Variants in RERE observed in about 807,000 individuals in gnomAD.
The protein encoded by RERE is arginine-glutamic acid dipeptide repeats, also known as arginine-glutamic acid dipeptide repeats protein.
A neutral mutation model predicts 146.1 loss-of-function variants in RERE; 40 were observed. The ratio of observed to expected loss-of-function variants is 0.27; its 90% CI spans 0.21 to 0.36. RERE has a LOEUF of 0.36. RERE is among the 10% of genes least tolerant of loss of function. The probability of loss-of-function intolerance (pLI) is 1.00; values close to 1 mark genes in which losing one functional copy is unlikely to be tolerated. For synonymous variants in RERE, 1,003 were observed against 866.0 expected (o/e 1.16, Z -2.78); for missense variants, 1,933 against 2,138.7 (o/e 0.90, Z 1.90).
Position 8,529,415 on chromosome 1 carries a change from G to A in RERE, c.830+11799C>T, listed in dbSNP as rs536174859. On this transcript the variant is annotated intron_variant, in intron 7 of 22. Coordinates refer to ENST00000400908, the MANE Select transcript of RERE (RefSeq NM_001042681.2). ...CGCCATTCTCCTGCCTCAGTCTCCC[G>A]AGTAGCTGGGACTACAGGTGCCCGC... Among the ~76,000 whole-genome samples the A allele has an allele frequency of 2.9e-3, 437 of 148,360 alleles. 3 individuals carry two copies. Among genetic ancestry groups the A allele is most frequent in the African/African-American group, 0.01 (415 of 40,392 alleles).
At chr1:8,426,282 G>T (rs1025964422) in intron 11 of RERE, among the ~76,000 whole-genome samples, 4 of 151,788 alleles carry the variant, frequency 2.6e-5, no homozygotes, top group African/African-American at 9.7e-5. Flanking sequence ...GTGAAACCCC[G>T]TCTCTACTAA....
intron 4 of RERE, among the ~76,000 whole-genome samples, chr1:8,571,539 G>GA (rs1334777817): frequency 6.6e-6 from 1 of 152,196 alleles, no homozygotes; most frequent in East Asian, 1.9e-4. Flanking sequence ...AGTTGGATAA[G>GA]AAAAGGGAAA....
intron 6 of RERE, among the ~76,000 whole-genome samples, chr1:8,553,037 T>G (rs1336119486): frequency 6.7e-6 from 1 of 149,100 alleles, no homozygotes; most frequent in Non-Finnish European, 1.5e-5. Flanking sequence ...TAGGCCAGCA[T>G]GTCCACACAC....
At chr1:8,667,441 C>T (rs1020624542) in intron 1 of RERE, among the ~76,000 whole-genome samples, 14 of 152,098 alleles carry the variant, frequency 9.2e-5, no homozygotes, top group African/African-American at 3.4e-4. Flanking sequence ...TTCGGGGGGC[C>T]GAGGCAGGAG....
At position 8,591,079 on chromosome 1, in the gene RERE, G is replaced by A. The variant is rs1249434978; in HGVS notation, c.522+23482C>T. On this transcript the variant is annotated intron_variant, in intron 4 of 22. Transcript: ENST00000400908. ...GTGTTCACTATAAAGAGGAAAGCCA[G>A]CAGACCTCTTCCAACTGAGACTCTG... Among the ~76,000 whole-genome samples, 14 of 152,176 alleles carry A rather than the reference G, an allele frequency of 9.2e-5. 1 individual carries two copies. Among genetic ancestry groups the A allele is most frequent in the South Asian group, 4.1e-4 (2 of 4,822 alleles).
chr1:8,651,000 G>A (rs1363646138), intron 2 of RERE, among the ~76,000 whole-genome samples: 1 of 152,222 alleles, frequency 6.6e-6, no homozygotes, highest in East Asian at 1.9e-4. Flanking sequence ...AGGAGGCTGA[G>A]GCAGGAGAAT....
chr1:8,718,641 G>A (rs1639805760), intron 1 of RERE, among the ~76,000 whole-genome samples: 1 of 152,192 alleles, frequency 6.6e-6, no homozygotes, highest in South Asian at 2.1e-4. Flanking sequence ...AGAGCAGGCA[G>A]CAACATTTCA....
At chr1:8,778,726 C>T (rs747048861) in intron 1 of RERE, among the ~76,000 whole-genome samples, 5 of 151,870 alleles carry the variant, frequency 3.3e-5, no homozygotes, top group African/African-American at 7.3e-5. Context: ...GTCCCAGCTA[C>T]TCGGGAGGCT....
intron 12 of RERE, among the ~76,000 whole-genome samples, chr1:8,378,711 GT>G (rs1230541247): frequency 6.6e-6 from 1 of 152,198 alleles, no homozygotes; most frequent in African/African-American, 2.4e-5. Context: ...AATAAGTTCT[GT>G]TGCTGAAGCA....
At chr1:8,455,473 A>G (rs1466434408) in intron 11 of RERE, among the ~76,000 whole-genome samples, 3 of 152,160 alleles carry the variant, frequency 2.0e-5, no homozygotes, top group Non-Finnish European at 2.9e-5. Flanking sequence ...AGTACACATC[A>G]GGTGATGTTG....
chr1:8,682,424 G>A (rs771879524), intron 1 of RERE, among the ~76,000 whole-genome samples: 1 of 152,070 alleles, frequency 6.6e-6, no homozygotes, highest in East Asian at 1.9e-4. Flanking sequence ...ATATTATGTG[G>A]CTTGTTTTAT....
intron 1 of RERE, among the ~76,000 whole-genome samples, chr1:8,795,416 G>A (rs1347552175): frequency 6.6e-6 from 1 of 151,710 alleles, no homozygotes; most frequent in Non-Finnish European, 1.5e-5. Context: ...TCCAGCCTCT[G>A]CCTTCCAAGT....
rs548472065 is a variant in RERE at position 8,546,606 on chromosome 1, G to C, written c.726-5288C>G. 6.6e-4 allele frequency among the ~76,000 whole-genome samples: 100 copies of C among 152,164 alleles called. 2 individuals are homozygous for C. The South Asian group carries it at 0.02, about 30-fold the overall frequency. On this transcript the variant is annotated intron_variant, in intron 6 of 22. Coordinates refer to ENST00000400908, the MANE Select transcript of RERE (RefSeq NM_001042681.2). ...CTTACACCTGTAATTCCAGCACTTT[G>C]GGAGGTCGAGGTGGGCAGATCACAA...
At position 8,354,241 on chromosome 1, in the gene RERE, C is replaced by G. The variant is rs1641204428; in HGVS notation, c.*846G>C. Reference sequence around the variant, plus strand: ...AGGTCTGATGGAGCAGATGTCTGTGCTGCTGGCAGAGCACAGGCTAGGAGC... The same window carrying G: ...AGGTCTGATGGAGCAGATGTCTGTGGTGCTGGCAGAGCACAGGCTAGGAGC... On this transcript the variant is annotated 3_prime_UTR_variant, in exon 23 of 23. Transcript: ENST00000400908. 1 of 152,578 alleles carries G rather than the reference C, an allele frequency of 6.6e-6. No individual in the cohort carries two copies. Among genetic ancestry groups the G allele is most frequent in the African/African-American group, 2.4e-5 (1 of 41,430 alleles). The allele number at this position is 152,578 out of a possible 1,614,324, so 9.5% of individuals were successfully genotyped here. A position where few individuals can be genotyped will look rare whatever the true frequency, so the allele number is the denominator to read the frequency against.
At chr1:8,719,383 T>A (rs182661216) in intron 1 of RERE, among the ~76,000 whole-genome samples, 1 of 152,190 alleles carries the variant, frequency 6.6e-6, no homozygotes, top group Non-Finnish European at 1.5e-5. Context: ...AAATGACTCA[T>A]TTTGTCCCAA....
At chr1:8,571,003 C>G (rs1646215213) in intron 4 of RERE, among the ~76,000 whole-genome samples, 1 of 152,114 alleles carries the variant, frequency 6.6e-6, no homozygotes, top group African/African-American at 2.4e-5. Context: ...AAAAACTGAG[C>G]TCAGGATATA....
At chr1:8,455,997 A>G (rs1413903893) in intron 11 of RERE, among the ~76,000 whole-genome samples, 1 of 152,228 alleles carries the variant, frequency 6.6e-6, no homozygotes, top group Non-Finnish European at 1.5e-5. Flanking sequence ...AGCTTGGCCC[A>G]GCATTCTAGT....
intron 4 of RERE, among the ~76,000 whole-genome samples, chr1:8,602,643 G>A (rs1646647527): frequency 6.6e-6 from 1 of 151,996 alleles, no homozygotes; most frequent in Admixed American, 6.5e-5. Flanking sequence ...GAGGTAGAAA[G>A]CAAGGTGGAG....
chr1:8,471,567 G>A (rs1644686981), intron 10 of RERE, among the ~76,000 whole-genome samples: 1 of 148,342 alleles, frequency 6.7e-6, no homozygotes, highest in Non-Finnish European at 1.5e-5. Flanking sequence ...CTGAGCTAGA[G>A]TGCAATGGCA....
Sources: allele counts gnomAD v4.1 joint callset (sites outside exome capture counted in the v4.1 genomes callset), GRCh38; gene constraint gnomAD v4.1.1; transcripts MANE v1.5; gene names NCBI Gene and HGNC (gene_info 2026-07-23, HGNC 2026-07-21).